Variants in NOX4 observed in about 807,000 individuals in gnomAD.
NOX4 encodes NADPH oxidase 4, also known as kidney oxidase-1.
A neutral mutation model predicts 87.6 loss-of-function variants in NOX4; 69 were observed. That is an observed-to-expected ratio of 0.79 (90% CI 0.65 to 0.96). The LOEUF is 0.96. Ranked by LOEUF, NOX4 falls within the 40% of genes least tolerant of loss-of-function variation. NOX4 has a pLI of 0.00. For missense variants in NOX4, 680 were observed against 681.5 expected (o/e 1.00, Z 0.02); for synonymous variants, 275 against 238.2 (o/e 1.15, Z -1.42).
chr11:89,419,625 G>A (rs1942979415), intron 8 of NOX4, among the ~76,000 whole-genome samples: 1 of 151,590 alleles, frequency 6.6e-6, no homozygotes, highest in South Asian at 2.1e-4. Context: ...TATTAATTTA[G>A]TTTAATAATT....
intron 11 of NOX4, among the ~76,000 whole-genome samples, chr11:89,379,659 C>A (rs945500834): frequency 6.6e-6 from 1 of 152,158 alleles, no homozygotes. Flanking sequence ...CCAACCCCAA[C>A]CTTCCCTATC....
chr11:89,409,763 CAT>C (rs1423105053), intron 8 of NOX4, among the ~76,000 whole-genome samples: 1 of 151,900 alleles, frequency 6.6e-6, no homozygotes, highest in African/African-American at 2.4e-5. Flanking sequence ...TCTTAAAGAT[CAT>C]AGTTATATAG....
intron 2 of NOX4, among the ~76,000 whole-genome samples, chr11:89,455,719 C>CATATATATATATATATATATATAT (rs60864771): frequency 9.9e-5 from 14 of 141,066 alleles, no homozygotes; most frequent in African/African-American, 3.8e-4. Context: ...AAGATGAAGT[C>CATATATATATATATATATATATAT]ATATATATAT....
rs1230291332 is a variant in NOX4 at position 89,463,479 on chromosome 11, C to A, written c.154-11584G>T. 2.0e-5 allele frequency among the ~76,000 whole-genome samples: 3 copies of A among 152,062 alleles called. No individual in the cohort carries two copies. The East Asian group carries it at 5.8e-4, about 29-fold the overall frequency. On this transcript the variant is annotated intron_variant, in intron 2 of 17. Transcript: ENST00000263317. ...ATTTTTCCTGAAGTAGGCCACAAAA[C>A]AACTCTATTTTAATGACACTGACTA...
chr11:89,455,768 A>G (rs1945172317), intron 2 of NOX4, among the ~76,000 whole-genome samples: 1 of 150,560 alleles, frequency 6.6e-6, no homozygotes, highest in Non-Finnish European at 1.5e-5. Flanking sequence ...AGGCACTTCA[A>G]GAAAATTCCT....
At chr11:89,450,833 A>G (rs1944925185) in intron 3 of NOX4, among the ~76,000 whole-genome samples, 1 of 151,612 alleles carries the variant, frequency 6.6e-6, no homozygotes, top group Non-Finnish European at 1.5e-5. Flanking sequence ...TCCAACAATG[A>G]TAGACTGGAT....
chr11:89,553,836 G>C, the NOX4 span, among the ~76,000 whole-genome samples: 25 of 150,354 alleles, frequency 1.7e-4, no homozygotes, highest in Non-Finnish European at 3.7e-4. Context: ...ATTTATTTTA[G>C]CTAACTGGAA....
At chr11:89,495,881 T>G (rs1946942591), upstream of NOX4, among the ~76,000 whole-genome samples, 1 of 152,162 alleles carries the variant, frequency 6.6e-6, no homozygotes, top group Non-Finnish European at 1.5e-5. Flanking sequence ...GGATTAGTAT[T>G]AAAATTCAAT....
chr11:89,528,061 A>C, the NOX4 span, among the ~76,000 whole-genome samples: 1 of 152,224 alleles, frequency 6.6e-6, no homozygotes, highest in African/African-American at 2.4e-5. Flanking sequence ...CTCTTGCATC[A>C]GTGTGAACTG....
At chr11:89,515,852 T>C in the NOX4 span, among the ~76,000 whole-genome samples, 1 of 152,038 alleles carries the variant, frequency 6.6e-6, no homozygotes, top group Non-Finnish European at 1.5e-5. Flanking sequence ...CGGCTATTCC[T>C]AGGCTTTTTA....
chr11:89,515,351 T>C, the NOX4 span, among the ~76,000 whole-genome samples: 30 of 152,090 alleles, frequency 2.0e-4, no homozygotes, highest in African/African-American at 5.3e-4. Flanking sequence ...TATGGCTATG[T>C]CACTTATATA....
At chr11:89,386,742 T>C (rs1047559856) in intron 11 of NOX4, among the ~76,000 whole-genome samples, 1 of 152,128 alleles carries the variant, frequency 6.6e-6, no homozygotes, top group Admixed American at 6.6e-5. Context: ...GCCTGCTGTA[T>C]GACAACATAA....
chr11:89,489,598 C>A (rs187158294), intron 2 of NOX4, among the ~76,000 whole-genome samples: 176 of 151,800 alleles, frequency 1.2e-3, no homozygotes, highest in African/African-American at 4.2e-3. Context: ...TGTGCTGGTG[C>A]GTGCCTGTAG....
chr11:89,560,961 C>CCT, the NOX4 span, among the ~76,000 whole-genome samples: 7 of 52,536 alleles, frequency 1.3e-4, no homozygotes, highest in Non-Finnish European at 1.9e-4. Flanking sequence ...CATCTCATCT[C>CCT]GTCTCTCTCT....
the NOX4 span, among the ~76,000 whole-genome samples, chr11:89,580,866 T>A: frequency 2.0e-5 from 3 of 152,144 alleles, no homozygotes; most frequent in Non-Finnish European, 4.4e-5. Context: ...ACAGTTCCTG[T>A]GAAACATGGA....
At chr11:89,477,239 A>G (rs1946203534) in intron 2 of NOX4, among the ~76,000 whole-genome samples, 1 of 152,104 alleles carries the variant, frequency 6.6e-6, no homozygotes, top group Admixed American at 6.6e-5. Flanking sequence ...GGGTGACAGG[A>G]GACAGTGACA....
At chr11:89,409,312 C>T (rs201639440) in intron 8 of NOX4, among the ~76,000 whole-genome samples, 1 of 152,032 alleles carries the variant, frequency 6.6e-6, no homozygotes, top group African/African-American at 2.4e-5. Context: ...TAAAAAAGTT[C>T]CCTGCAGAAA....
chr11:89,423,339 T>C (rs1943189785), intron 7 of NOX4, among the ~76,000 whole-genome samples: 2 of 152,336 alleles, frequency 1.3e-5, no homozygotes, highest in South Asian at 4.1e-4. Context: ...TTTTAATTCT[T>C]CTGTGACCTT....
In NOX4 at chr11:89,337,496, G is replaced by A. The variant is rs1945766892; in HGVS notation, c.1466C>T (p.Pro489Leu). The change falls in exon 16 of 18, where the codon CCT (proline) becomes CTT (leucine). Residue 489 changes from proline to leucine, a missense_variant. Coordinates refer to ENST00000263317, the MANE Select transcript of NOX4 (RefSeq NM_016931.5). ...LHNKFWQENR[P>L]DYVNIQLYLS... ...GTACAGCTGGATGTTGACATAGTCA[G>A]GTCTGTTCTCTTGCCAAAACTGAGA... 1 of 1,612,096 alleles carries A rather than the reference G, an allele frequency of 6.2e-7. No homozygotes were observed. Among genetic ancestry groups the A allele is most frequent in the African/African-American group, 1.3e-5 (1 of 74,940 alleles).
Sources: gnomAD v4.1 joint callset for allele counts (sites outside exome capture counted in the v4.1 genomes callset) on GRCh38, gnomAD v4.1.1 for gene constraint, MANE v1.5 for transcripts, NCBI Gene and HGNC (gene_info 2026-07-23, HGNC 2026-07-21) for gene names.